Variants in RHPN2 observed in about 807,000 individuals in gnomAD.
RHPN2 encodes the protein rhophilin Rho GTPase binding protein 2.
Under a neutral mutation model 79.0 loss-of-function variants are expected in RHPN2, and 40 were observed. That is an observed-to-expected ratio of 0.51 (90% confidence interval 0.39 to 0.66). RHPN2 has a LOEUF of 0.66. Ranked by LOEUF, RHPN2 falls within the 30% of genes least tolerant of loss-of-function variation. The pLI, the probability that RHPN2 is intolerant of heterozygous loss-of-function variation, is 0.00. For synonymous variants in RHPN2, 285 were observed against 363.5 expected, an observed-to-expected ratio of 0.78 and a Z score of 2.46; for missense variants, 686 against 883.5, an observed-to-expected ratio of 0.78 and a Z score of 2.83.
At position 32,979,937 on chromosome 19, in the gene RHPN2, G is replaced by A. The variant is rs541916478; in HGVS notation, c.*59C>T. The A allele has an allele frequency of 8.2e-6, 13 of 1,593,728 alleles. No homozygotes were observed. In the African/African-American group the frequency reaches 9.4e-5, roughly 12 times the overall value. The stretch of plus-strand genomic sequence containing the variant: ...AGATATTTTCCATTATGGCACAAAC[G>A]TTTAAGGCCGAGTCAGCACCGGAAA... On this transcript the variant is annotated 3_prime_UTR_variant, in exon 15 of 15. Coordinates refer to ENST00000254260, the MANE Select transcript of RHPN2 (RefSeq NM_033103.5).
intron 2 of RHPN2, among the ~76,000 whole-genome samples, chr19:33,031,513 G>A (rs1972011683): frequency 1.3e-5 from 2 of 152,018 alleles, no homozygotes; most frequent in Non-Finnish European, 2.9e-5. Context: ...CCAAAGTGCT[G>A]GGATTACAGG....
At chr19:33,024,924 CTA>C (rs1378865334) in intron 3 of RHPN2, among the ~76,000 whole-genome samples, 1 of 151,954 alleles carries the variant, frequency 6.6e-6, no homozygotes. Flanking sequence ...GCTAATTTTC[CTA>C]TTTTTTGTAG....
At chr19:33,007,452 G>A (rs576109282) in intron 7 of RHPN2, among the ~76,000 whole-genome samples, 3 of 151,628 alleles carry the variant, frequency 2.0e-5, no homozygotes, top group South Asian at 2.1e-4. Flanking sequence ...ATGCCACTGC[G>A]CTCCAGCCTG....
intron 14 of RHPN2, among the ~76,000 whole-genome samples, chr19:32,983,055 T>TAC (rs57230466): frequency 0.095 from 9,802 of 102,850 alleles, 560 homozygotes; most frequent in Middle Eastern, 0.13. Context: ...CCCAGATCTC[T>TAC]ACACACACAC....
rs143022039 is a variant in RHPN2 at position 33,044,337 on chromosome 19, G to A, written c.97C>T (p.Arg33Trp). 7.4e-6 allele frequency: 12 copies of A among 1,613,934 alleles called. No homozygotes were observed. The highest frequency in any genetic ancestry group is 4.5e-5 in the East Asian group (2 of 44,890). ...KGCNPLAQTG[R>W]SKLQNQRAAL... ...GCTCTTTGATTCTGCAATTTACTCC[G>A]GCCGGTTTGTGCAAGGGGATTACAG... Residue 33 changes from arginine (R) to tryptophan (W), a missense_variant, in exon 2 of 15, where the codon CGG (arginine) becomes TGG (tryptophan). Transcript: ENST00000254260.
intron 2 of RHPN2, among the ~76,000 whole-genome samples, chr19:33,031,263 C>T (rs1375601544): frequency 6.6e-6 from 1 of 151,518 alleles, no homozygotes; most frequent in African/African-American, 2.4e-5. Flanking sequence ...CTACTCTATT[C>T]TATTCTATTA....
At chr19:33,036,940 C>A (rs765678429) in intron 2 of RHPN2, among the ~76,000 whole-genome samples, 1 of 152,076 alleles carries the variant, frequency 6.6e-6, no homozygotes, top group Non-Finnish European at 1.5e-5. Context: ...CCCTGCTCCA[C>A]GGCACCCAGT....
At chr19:33,014,256 C>T (rs1971860803) in intron 4 of RHPN2, among the ~76,000 whole-genome samples, 1 of 152,124 alleles carries the variant, frequency 6.6e-6, no homozygotes, top group Admixed American at 6.6e-5. Flanking sequence ...CAGACAAACA[C>T]TTGTCTTACA....
At position 33,044,383 on chromosome 19, in the gene RHPN2, T is replaced by C; in HGVS notation, c.70-19A>G. 1 of 1,558,018 alleles carries C rather than the reference T, an allele frequency of 6.4e-7. No homozygotes were observed. Among genetic ancestry groups the C allele is most frequent in the Non-Finnish European group, 8.9e-7 (1 of 1,128,802 alleles). ...TACAGCCCTGAGGAAAAATAAGAGATGCCCCTTCAGAGGTCGGCCACTCTA... is the reference window on the plus strand; with the variant it reads ...TACAGCCCTGAGGAAAAATAAGAGACGCCCCTTCAGAGGTCGGCCACTCTA... On this transcript the variant is annotated intron_variant, in intron 1 of 14. Coordinates refer to ENST00000254260, the MANE Select transcript of RHPN2 (RefSeq NM_033103.5).
intron 14 of RHPN2, among the ~76,000 whole-genome samples, chr19:32,980,960 C>T (rs1568307187): frequency 6.6e-6 from 1 of 152,020 alleles, no homozygotes; most frequent in Non-Finnish European, 1.5e-5. Flanking sequence ...GCCTCAGCCT[C>T]TCTGAGTAGC....
chr19:32,981,537 G>A (rs559495323), intron 14 of RHPN2, among the ~76,000 whole-genome samples: 36 of 150,964 alleles, frequency 2.4e-4, no homozygotes, highest in Non-Finnish European at 4.4e-4. Context: ...TATGCAGTGA[G>A]CAATAGGTCT....
chr19:33,049,008 G>A (rs931642670), intron 1 of RHPN2, among the ~76,000 whole-genome samples: 1 of 151,970 alleles, frequency 6.6e-6, no homozygotes, highest in African/African-American at 2.4e-5. Context: ...CTGCTGGCCT[G>A]GAATCAGTAC....
intron 4 of RHPN2, among the ~76,000 whole-genome samples, chr19:33,015,296 G>GT (rs1217337609): frequency 6.6e-6 from 1 of 151,738 alleles, no homozygotes; most frequent in Non-Finnish European, 1.5e-5. Flanking sequence ...ATGCTGGCAG[G>GT]TGCCTGTAAT....
Position 33,064,868 on chromosome 19 carries a change from G to A in RHPN2, c.-16C>T, listed in dbSNP as rs1371872144. 1.3e-5 allele frequency: 19 copies of A among 1,499,742 alleles called. No homozygotes were observed. The highest frequency in any genetic ancestry group is 1.7e-5 in the Non-Finnish European group (19 of 1,131,374). The allele number at this position is 1,499,742 out of a possible 1,614,324, so 92.9% of individuals were successfully genotyped here. A position where few individuals can be genotyped will look rare whatever the true frequency, so the allele number is the denominator to read the frequency against. On this transcript the variant is annotated 5_prime_UTR_variant, in exon 1 of 15. Coordinates refer to ENST00000254260, the MANE Select transcript of RHPN2 (RefSeq NM_033103.5). Reference sequence around the variant, plus strand: ...CGTCGGTCATGCTAGCGGCGCGGGCGCGGAGGGCGGACGGCGGACTGAGGC... The same window carrying A: ...CGTCGGTCATGCTAGCGGCGCGGGCACGGAGGGCGGACGGCGGACTGAGGC...
chr19:33,028,649 A>G (rs548626197), intron 2 of RHPN2, among the ~76,000 whole-genome samples: 44 of 152,176 alleles, frequency 2.9e-4, no homozygotes, highest in African/African-American at 9.9e-4. Flanking sequence ...GGGAAGGCTC[A>G]TTATTGTCAA....
At chr19:33,032,590 T>A (rs1568321450) in intron 2 of RHPN2, among the ~76,000 whole-genome samples, 1 of 152,090 alleles carries the variant, frequency 6.6e-6, no homozygotes, top group Non-Finnish European at 1.5e-5. Context: ...GACCAAATAT[T>A]TATCTTTTAT....
chr19:32,986,833 C>G lies in RHPN2; in HGVS notation c.1800+3681G>C, dbSNP rs561618368. ...AAAATTTTGAGATATAATTCACATA[C>G]ATGCATAAAATTCACCATTTTAATA... On this transcript the variant is annotated intron_variant, in intron 14 of 14. Coordinates refer to ENST00000254260, the MANE Select transcript of RHPN2 (RefSeq NM_033103.5). Among the ~76,000 whole-genome samples the G allele has an allele frequency of 6.7e-3, 1,006 of 150,814 alleles. 12 individuals are homozygous for G. Among genetic ancestry groups the G allele is most frequent in the Non-Finnish European group, 6.7e-3 (451 of 67,758 alleles).
chr19:33,049,142 T>G (rs537066265), intron 1 of RHPN2, among the ~76,000 whole-genome samples: 2 of 152,252 alleles, frequency 1.3e-5, no homozygotes, highest in South Asian at 2.1e-4. Context: ...GTAGGAATGT[T>G]GGGCTTTGCT....
intron 2 of RHPN2, among the ~76,000 whole-genome samples, chr19:33,029,279 C>A (rs1303674876): frequency 1.3e-5 from 2 of 152,024 alleles, no homozygotes; most frequent in Non-Finnish European, 2.9e-5. Context: ...GTAATCCCAG[C>A]ACTTTGGGAG....
Sources: allele counts gnomAD v4.1 joint callset (sites outside exome capture counted in the v4.1 genomes callset), GRCh38; gene constraint gnomAD v4.1.1; transcripts MANE v1.5; gene names NCBI Gene and HGNC (gene_info 2026-07-23, HGNC 2026-07-21).